CDKAL1: variants seen among roughly 807,000 people sequenced by gnomAD.
CDKAL1 encodes the protein CDKAL1 threonylcarbamoyladenosine tRNA methylthiotransferase.
In CDKAL1, 32 loss-of-function variants were observed where a neutral mutation model predicts 68.2. The ratio of observed to expected loss-of-function variants is 0.47; its 90% confidence interval spans 0.35 to 0.63. The LOEUF is 0.63. Among genes scored for constraint, CDKAL1 ranks in the 30% least tolerant of loss-of-function variants. The probability of loss-of-function intolerance (pLI) is 0.00; values close to 1 mark genes in which losing one functional copy is unlikely to be tolerated. For synonymous variants in CDKAL1, 234 were observed against 244.3 expected (o/e 0.96, Z 0.39); for missense variants, 606 against 696.7 (o/e 0.87, Z 1.47).
At position 21,003,371 on chromosome 6, in the gene CDKAL1, T is replaced by TATATATACACAC; in HGVS notation, c.1055+3000_1055+3001insTATATACACACA. ...ATATATATATATATATATATATATA[T>TATATATACACAC]ACACACACACACACACACATATATA... is the stretch of plus-strand genomic sequence containing the variant. On this transcript the variant is annotated intron_variant, in intron 11 of 15. Transcript: ENST00000274695. Among the ~76,000 whole-genome samples the TATATATACACAC allele has an allele frequency of 4.7e-4, 23 of 49,300 alleles. 2 individuals carry two copies. Among genetic ancestry groups the TATATATACACAC allele is most frequent in the Admixed American group, 2.9e-3 (10 of 3,482 alleles). The allele number at this position is 49,300 out of a possible 152,430, so 32.3% of individuals were successfully genotyped here. A position where few individuals can be genotyped will look rare whatever the true frequency, so the allele number is the denominator to read the frequency against.
At chr6:20,696,622 T>C (rs979585059) in intron 5 of CDKAL1, among the ~76,000 whole-genome samples, 1 of 152,232 alleles carries the variant, frequency 6.6e-6, no homozygotes, top group South Asian at 2.1e-4. Flanking sequence ...AAAAGTATTT[T>C]AACAAAAATA....
intron 5 of CDKAL1, among the ~76,000 whole-genome samples, chr6:20,669,468 A>C (rs1769707644): frequency 6.6e-6 from 1 of 152,116 alleles, no homozygotes; most frequent in Non-Finnish European, 1.5e-5. Context: ...TGGCCAATGG[A>C]AATGTCTTCA....
At chr6:20,617,124 G>T (rs1046068299) in intron 4 of CDKAL1, among the ~76,000 whole-genome samples, 1 of 151,996 alleles carries the variant, frequency 6.6e-6, no homozygotes, top group African/African-American at 2.4e-5. Flanking sequence ...GCTTTTACTG[G>T]TACTCAGTTG....
chr6:21,039,230 C>T (rs985590257), intron 11 of CDKAL1, among the ~76,000 whole-genome samples: 1 of 152,122 alleles, frequency 6.6e-6, no homozygotes, highest in Non-Finnish European at 1.5e-5. Context: ...CTAGGTTGCA[C>T]GTTCCTTATG....
intron 5 of CDKAL1, among the ~76,000 whole-genome samples, chr6:20,717,989 G>A (rs1772175641): frequency 6.6e-6 from 1 of 152,180 alleles, no homozygotes. Flanking sequence ...CTTGCACAGT[G>A]AACTGTCCCA....
chr6:20,894,121 A>T (rs1761549857), intron 9 of CDKAL1, among the ~76,000 whole-genome samples: 1 of 152,134 alleles, frequency 6.6e-6, no homozygotes, highest in African/African-American at 2.4e-5. Flanking sequence ...TAGCTTATTG[A>T]CTGCACACTA....
At chr6:20,801,635 T>C (rs1027225659) in intron 8 of CDKAL1, among the ~76,000 whole-genome samples, 2 of 152,214 alleles carry the variant, frequency 1.3e-5, no homozygotes, top group Non-Finnish European at 2.9e-5. Flanking sequence ...ATATACATCT[T>C]AAGAGCAAGC....
At chr6:21,002,131 A>G (rs1031540587) in intron 11 of CDKAL1, among the ~76,000 whole-genome samples, 14 of 152,228 alleles carry the variant, frequency 9.2e-5, no homozygotes, top group East Asian at 1.9e-4. Context: ...GACAGTTCCA[A>G]CAGCCTCTAT....
At chr6:21,063,590 AG>A (rs1771260279) in intron 11 of CDKAL1, among the ~76,000 whole-genome samples, 2 of 152,264 alleles carry the variant, frequency 1.3e-5, no homozygotes, top group Non-Finnish European at 2.9e-5. Flanking sequence ...AGTGAACAGA[AG>A]AAAAATTACA....
chr6:20,763,291 T>G (rs1336694853), intron 7 of CDKAL1, among the ~76,000 whole-genome samples: 1 of 152,186 alleles, frequency 6.6e-6, no homozygotes, highest in African/African-American at 2.4e-5. Context: ...TCCCTGTTTA[T>G]CTTTCTCCAG....
At chr6:20,561,193 G>C (rs1764250913) in intron 4 of CDKAL1, among the ~76,000 whole-genome samples, 1 of 152,014 alleles carries the variant, frequency 6.6e-6, no homozygotes, top group Non-Finnish European at 1.5e-5. Context: ...TGTAATCCCA[G>C]CACTTTGGGA....
At chr6:20,809,406 CTG>C (rs1776700694) in intron 8 of CDKAL1, among the ~76,000 whole-genome samples, 1 of 152,108 alleles carries the variant, frequency 6.6e-6, no homozygotes, top group Non-Finnish European at 1.5e-5. Context: ...GTACAACAAG[CTG>C]ATTAGGTATC....
At chr6:21,162,230 C>G (rs1219970259) in intron 13 of CDKAL1, among the ~76,000 whole-genome samples, 1 of 152,176 alleles carries the variant, frequency 6.6e-6, no homozygotes, top group Non-Finnish European at 1.5e-5. Flanking sequence ...TGGGACCATT[C>G]CAGGTCTCTG....
At chr6:20,810,707 CCT>C (rs1396425850) in intron 8 of CDKAL1, among the ~76,000 whole-genome samples, 1 of 149,572 alleles carries the variant, frequency 6.7e-6, no homozygotes, top group Non-Finnish European at 1.5e-5. Context: ...CATTCTCTCT[CCT>C]CTCTCTGGAA....
At chr6:20,989,484 A>G (rs1388412588) in intron 10 of CDKAL1, among the ~76,000 whole-genome samples, 1 of 152,240 alleles carries the variant, frequency 6.6e-6, no homozygotes, top group African/African-American at 2.4e-5. Flanking sequence ...TAGATAAATG[A>G]CTTAAATATT....
At chr6:21,066,092 A>C (rs1771424085) in intron 12 of CDKAL1, among the ~76,000 whole-genome samples, 1 of 152,084 alleles carries the variant, frequency 6.6e-6, no homozygotes, top group Non-Finnish European at 1.5e-5. Flanking sequence ...GAAATAATCC[A>C]GAGCTTGTTA....
chr6:21,038,822 G>A (rs1417401583), intron 11 of CDKAL1, among the ~76,000 whole-genome samples: 1 of 152,106 alleles, frequency 6.6e-6, no homozygotes, highest in Non-Finnish European at 1.5e-5. Context: ...GATGACCAGT[G>A]TATAAGGCTT....
chr6:20,710,782 C>T (rs1229188933), intron 5 of CDKAL1, among the ~76,000 whole-genome samples: 2 of 152,066 alleles, frequency 1.3e-5, no homozygotes, highest in Non-Finnish European at 2.9e-5. Flanking sequence ...CTTGAACATG[C>T]AGTAATGGAT....
chr6:20,777,823 C>T (rs1775237417), intron 7 of CDKAL1, among the ~76,000 whole-genome samples: 1 of 152,062 alleles, frequency 6.6e-6, no homozygotes, highest in African/African-American at 2.4e-5. Flanking sequence ...AGTTTTCATT[C>T]ATAAACTAGG....
Sources: allele counts gnomAD v4.1 joint callset (sites outside exome capture counted in the v4.1 genomes callset), GRCh38; gene constraint gnomAD v4.1.1; transcripts MANE v1.5; gene names NCBI Gene and HGNC (gene_info 2026-07-23, HGNC 2026-07-21).